Variants in POLR2F observed in about 807,000 individuals in gnomAD.
The protein encoded by POLR2F is RNA polymerase II, I and III subunit F.
In POLR2F, 12 loss-of-function variants were observed where a neutral mutation model predicts 22.7. The ratio of observed to expected loss-of-function variants is 0.53; its 90% CI spans 0.34 to 0.86. The LOEUF (loss-of-function observed/expected upper bound fraction) is 0.86. POLR2F is among the 40% of genes least tolerant of loss of function. POLR2F has a pLI of 0.02. For missense variants in POLR2F, 126 were observed against 171.5 expected (o/e 0.73, Z 1.48); for synonymous variants, 57 against 66.0 (o/e 0.86, Z 0.66).
intron 1 of POLR2F, among the ~76,000 whole-genome samples, chr22:38,020,234 C>CACAT (rs761171187): frequency 6.7e-6 from 1 of 149,868 alleles, no homozygotes; most frequent in Admixed American, 6.7e-5. Context: ...CACACACACA[C>CACAT]ATACATATAT....
At chr22:38,007,836 G>A (rs1006046796) in intron 1 of POLR2F, among the ~76,000 whole-genome samples, 33 of 152,258 alleles carry the variant, frequency 2.2e-4, no homozygotes, top group African/African-American at 7.5e-4. Flanking sequence ...CCTGTGATGG[G>A]GCAGCAGGAC....
chr22:38,035,397 G>C (rs1471603934), intron 5 of POLR2F, among the ~76,000 whole-genome samples: 1 of 152,228 alleles, frequency 6.6e-6, no homozygotes, highest in African/African-American at 2.4e-5. Flanking sequence ...AACAGGCCAA[G>C]GGGCTGCTGC....
downstream of POLR2F, among the ~76,000 whole-genome samples, chr22:37,969,790 C>T (rs946512558): frequency 6.6e-6 from 1 of 152,154 alleles, no homozygotes; most frequent in Non-Finnish European, 1.5e-5. Context: ...AAGAGGAGAT[C>T]GGGCACTAGC....
intron 3 of POLR2F, among the ~76,000 whole-genome samples, chr22:37,965,437 T>C (rs114223657): frequency 1.2e-4 from 18 of 152,366 alleles, no homozygotes; most frequent in African/African-American, 4.3e-4. Flanking sequence ...GTAGAAGCCA[T>C]GGTGCAAGAA....
intron 1 of POLR2F, among the ~76,000 whole-genome samples, chr22:38,000,139 G>A (rs553935184): frequency 1.1e-4 from 16 of 152,288 alleles, no homozygotes; most frequent in East Asian, 5.8e-4. Flanking sequence ...CTCCCCTGAC[G>A]GCATGGTGCA....
chr22:38,025,661 C>T (rs767569135), intron 1 of POLR2F: 35 of 1,562,266 alleles, frequency 2.2e-5, no homozygotes, highest in Admixed American at 5.8e-5. Flanking sequence ...CATCTCCTCC[C>T]GCTGACTTCT....
intron 2 of POLR2F, among the ~76,000 whole-genome samples, chr22:37,957,541 A>T (rs1456232337): frequency 6.6e-6 from 1 of 152,136 alleles, no homozygotes; most frequent in East Asian, 1.9e-4. Context: ...TGTGTGACTG[A>T]TGAGGGAAAA....
chr22:37,983,822 T>C, upstream of POLR2F: 3 of 1,381,742 alleles, frequency 2.2e-6, no homozygotes, highest in South Asian at 1.4e-5. This position sits in a 1 kb window ranked among gnomAD's most constrained non-coding sequence, Gnocchi z 9.5. Context: ...CTCGGCCGCC[T>C]CCCCCGGGCC....
rs201284874 is a variant in POLR2F, at chr22:38,014,361, T to TA, written c.121-11508_121-11507insA. Among the ~76,000 whole-genome samples the TA allele has an allele frequency of 8.2e-3, 1,242 of 151,572 alleles. 25 individuals carry two copies. The highest frequency in any genetic ancestry group is 0.029 in the African/African-American group (1,199 of 41,318). ...CTAGGACTTATTTTTTTTATTTTTTTTTTTTTGAGACAGAGTCTCCCTCTT... is the reference window on the plus strand; with the variant it reads ...CTAGGACTTATTTTTTTTATTTTTTTATTTTTTGAGACAGAGTCTCCCTCTT... On this transcript the variant is annotated intron_variant, in intron 1 of 2. Coordinates refer to the POLR2F transcript ENST00000333418.
chr22:37,973,450 C>G, downstream of POLR2F: 2 of 1,307,948 alleles, frequency 1.5e-6, no homozygotes, highest in Non-Finnish European at 2.1e-6. Flanking sequence ...GGCACACAGG[C>G]TGGGGGCAGG....
chr22:38,017,083 G>A lies in POLR2F; in HGVS notation c.121-8786G>A, dbSNP rs1226720310. On this transcript the variant is annotated intron_variant, in intron 1 of 2. Coordinates refer to the POLR2F transcript ENST00000333418. The surrounding 1 kb of genome is among the most constrained non-coding windows in gnomAD (Gnocchi z 4.1). ...GCCCTCCTGAGGCAGCTGTGGGGCC[G>A]TGCCTGAGCGGGGCACGTGCCAGGG... Among the ~76,000 whole-genome samples the A allele has an allele frequency of 2.6e-5, 4 of 152,200 alleles. No individual in the cohort carries two copies. Among genetic ancestry groups the A allele is most frequent in the South Asian group, 2.1e-4 (1 of 4,832 alleles).
intron 1 of POLR2F, among the ~76,000 whole-genome samples, chr22:38,010,394 A>G (rs2084860524): frequency 6.6e-6 from 1 of 151,764 alleles, no homozygotes. Context: ...AAAGGAAAAG[A>G]AAGAGAGGAG....
chr22:37,969,234 C>T lies in POLR2F; in HGVS notation c.*1519C>T, dbSNP rs1456906896. On this transcript the variant is annotated 3_prime_UTR_variant, in exon 5 of 5. Coordinates refer to ENST00000442738, the MANE Select transcript of POLR2F (RefSeq NM_021974.5). ...CTCCTGTCTTCCTCTTCCCATTCTC[C>T]TCTTTTGGGGAGTCCCCTGCTATTC... 2 of 985,136 alleles carry T rather than the reference C, an allele frequency of 2.0e-6. No individual in the cohort carries two copies. The highest frequency in any genetic ancestry group is 1.7e-5 in the African/African-American group (1 of 57,210). The allele number at this position is 985,136 out of a possible 1,614,324, so 61.0% of individuals were successfully genotyped here.
At chr22:37,960,679 A>T (rs2145737324) in intron 3 of POLR2F, among the ~76,000 whole-genome samples, 1 of 148,102 alleles carries the variant, frequency 6.8e-6, no homozygotes, top group East Asian at 2.0e-4. Context: ...GGGATTACAG[A>T]CGTGAGCCAC....
At chr22:37,963,179 G>T (rs1241345076) in intron 3 of POLR2F, among the ~76,000 whole-genome samples, 1 of 151,882 alleles carries the variant, frequency 6.6e-6, no homozygotes, top group Non-Finnish European at 1.5e-5. Context: ...TAGGGACGGG[G>T]TTTCACCATG....
In POLR2F at chr22:38,003,852, C is replaced by T. The variant is rs568200694; in HGVS notation, c.120+17540C>T. ...TCAGCCTCCCAAAGTGCTGGGATTA[C>T]AGGCGTGAGCCACTGTGCCCAGAAC... On this transcript the variant is annotated intron_variant, in intron 1 of 2. Transcript: ENST00000333418. Among the ~76,000 whole-genome samples, 7 of 152,314 alleles carry T rather than the reference C, an allele frequency of 4.6e-5. No homozygotes were observed. In the East Asian group the frequency reaches 1.2e-3, roughly 25 times the overall value.
At chr22:38,001,271 G>C (rs756641718) in intron 1 of POLR2F, among the ~76,000 whole-genome samples, 1 of 152,188 alleles carries the variant, frequency 6.6e-6, no homozygotes, top group Non-Finnish European at 1.5e-5. Flanking sequence ...GCCATGGCAG[G>C]CTCTCGACCG....
chr22:38,012,341 C>T (rs899039080), intron 1 of POLR2F, among the ~76,000 whole-genome samples: 8 of 152,264 alleles, frequency 5.3e-5, no homozygotes, highest in African/African-American at 1.9e-4. Context: ...CTTGGCCTCC[C>T]AAAGTGCTGG....
Position 37,956,806 on chromosome 22 carries a change from G to C in POLR2F, c.54G>C (p.Glu18Asp), listed in dbSNP as rs1931421482. Residue 18 changes from glutamate (E) to aspartate (D), a missense_variant, in exon 2 of 5, where the codon GAG becomes GAC. Glu to Asp is a conservative substitution (Grantham distance 45). Transcript: ENST00000442738. ...GCGACGACTTTGATGATGTGGAGGAGGATGAAGGGCTAGATGACTTGGAGA... is the reference window on the plus strand; with the variant it reads ...GCGACGACTTTGATGATGTGGAGGACGATGAAGGGCTAGATGACTTGGAGA... ...FDGDDFDDVE[E>D]DEGLDDLENA... 1 of 1,614,064 alleles carries C rather than the reference G, an allele frequency of 6.2e-7. No homozygotes were observed. The highest frequency in any genetic ancestry group is 1.3e-5 in the African/African-American group (1 of 75,036).
Sources: allele counts gnomAD v4.1 joint callset (sites outside exome capture counted in the v4.1 genomes callset), GRCh38; gene constraint gnomAD v4.1.1; non-coding constraint Gnocchi (gnomAD v3.1); transcripts MANE v1.5; gene names NCBI Gene and HGNC (gene_info 2026-07-23, HGNC 2026-07-21).